The following UGT2B4 variants were observed in gnomAD, a reference collection of about 807,000 sequenced individuals.
UGT2B4 encodes UDP-glucuronosyltransferase 2B4.
UGT2B4 carries 49 observed loss-of-function variants against 49.8 expected under a neutral mutation model. The observed-to-expected ratio is 0.98, with a 90% CI of 0.78 to 1.25. The LOEUF is 1.25. Ranked by LOEUF, UGT2B4 falls within the 50% of genes most tolerant of loss-of-function variation. UGT2B4 has a pLI of 0.00. For missense variants in UGT2B4, 729 were observed against 627.7 expected (o/e 1.16, Z -1.73); for synonymous variants, 246 against 217.7 (o/e 1.13, Z -1.14).
rs538784672 is a variant in UGT2B4 at position 69,504,198 on chromosome 4, C to A, written c.-105-8232G>T. ...TCCAATGACCACATCACCTCTCCAGCAAAGGTTCAGAACCAGGCTGAGGCT... is the reference window on the plus strand; with the variant it reads ...TCCAATGACCACATCACCTCTCCAGAAAAGGTTCAGAACCAGGCTGAGGCT... On this transcript the variant is annotated intron_variant, in intron 1 of 1. Coordinates refer to the UGT2B4 transcript ENST00000510114. 2.6e-5 allele frequency among the ~76,000 whole-genome samples: 4 copies of A among 152,290 alleles called. No individual in the cohort carries two copies. In the East Asian group the frequency reaches 7.7e-4, roughly 29 times the overall value.
intron 1 of UGT2B4, among the ~76,000 whole-genome samples, chr4:69,514,876 G>C (rs1034592918): frequency 9.9e-5 from 15 of 152,104 alleles, no homozygotes; most frequent in African/African-American, 3.6e-4. Context: ...ATAGAAAAAA[G>C]CAAGGGTTGC....
intron 1 of UGT2B4, among the ~76,000 whole-genome samples, chr4:69,521,977 A>G (rs1728859955): frequency 6.6e-6 from 1 of 152,212 alleles, no homozygotes; most frequent in Non-Finnish European, 1.5e-5. Flanking sequence ...CAAGAAGACT[A>G]TAACACTGAT....
At chr4:69,502,097 CTTTCTT>C (rs1728337630) in intron 1 of UGT2B4, among the ~76,000 whole-genome samples, 1 of 95,012 alleles carries the variant, frequency 1.1e-5, no homozygotes, top group African/African-American at 5.0e-5. Context: ...CTCTCTCTTT[CTTTCTT>C]TCTTTCTTTC....
At chr4:69,519,346 A>G (rs1728797847) in intron 1 of UGT2B4, among the ~76,000 whole-genome samples, 1 of 152,162 alleles carries the variant, frequency 6.6e-6, no homozygotes. Flanking sequence ...TGAAACATGA[A>G]CTGATTATAG....
chr4:69,510,299 G>T (rs1436421390), intron 1 of UGT2B4, among the ~76,000 whole-genome samples: 1 of 152,096 alleles, frequency 6.6e-6, no homozygotes, highest in Non-Finnish European at 1.5e-5. Flanking sequence ...CTCCAGCTTT[G>T]TTGGACTTTC....
rs33997604 is a variant in UGT2B4, at chr4:69,502,205, A to ATTT, written c.-105-6242_-105-6240dup. On this transcript the variant is annotated intron_variant, in intron 1 of 1. Transcript: ENST00000510114. ...TTCAGTTGTTATTTATTAATAATTT[A>ATTT]TTTTTGTTGTTGTTCATTGTATTTG... Among the ~76,000 whole-genome samples the ATTT allele has an allele frequency of 2.9e-4, 3 of 10,338 alleles. 1 individual carries two copies. The Non-Finnish European group carries it at 7.1e-3, about 24-fold the overall frequency. The allele number at this position is 10,338 out of a possible 152,430, so 6.8% of individuals were successfully genotyped here.
At chr4:69,504,299 G>T (rs1192838427) in intron 1 of UGT2B4, among the ~76,000 whole-genome samples, 1 of 152,098 alleles carries the variant, frequency 6.6e-6, no homozygotes, top group Non-Finnish European at 1.5e-5. Context: ...CAAGTACATT[G>T]TAACCCAAAA....
upstream of UGT2B4, chr4:69,496,037 A>C: frequency 9.3e-7 from 1 of 1,074,224 alleles, no homozygotes; most frequent in Middle Eastern, 2.2e-4. Context: ...AAGGTAGATG[A>C]CCTGTTTACA....
chr4:69,493,241 A>G (rs1356448830), intron 2 of UGT2B4, among the ~76,000 whole-genome samples: 1 of 152,100 alleles, frequency 6.6e-6, no homozygotes, highest in African/African-American at 2.4e-5. Flanking sequence ...ACTCTCTATT[A>G]TCTACACTGG....
intron 1 of UGT2B4, among the ~76,000 whole-genome samples, chr4:69,510,526 C>A (rs551718990): frequency 6.6e-6 from 1 of 152,020 alleles, no homozygotes; most frequent in East Asian, 1.9e-4. Context: ...AATTTGCATT[C>A]ATCAATGTTT....
chr4:69,506,363 A>C (rs2109824557), intron 1 of UGT2B4, among the ~76,000 whole-genome samples: 1 of 152,276 alleles, frequency 6.6e-6, no homozygotes, highest in Admixed American at 6.5e-5. Flanking sequence ...GAGAAGATTC[A>C]AATAAACACA....
intron 2 of UGT2B4, among the ~76,000 whole-genome samples, chr4:69,492,786 C>T (rs995277584): frequency 3.3e-5 from 5 of 152,034 alleles, no homozygotes; most frequent in African/African-American, 1.2e-4. Flanking sequence ...AGTCATATTA[C>T]TGTAAAAGTA....
chr4:69,521,842 G>C (rs1728857720), intron 1 of UGT2B4, among the ~76,000 whole-genome samples: 1 of 152,158 alleles, frequency 6.6e-6, no homozygotes, highest in Admixed American at 6.5e-5. Flanking sequence ...ATTCTATAAA[G>C]CAGGAATTTT....
chr4:69,487,791 T>G (rs1019728966), intron 3 of UGT2B4, among the ~76,000 whole-genome samples: 2 of 152,088 alleles, frequency 1.3e-5, no homozygotes, highest in Non-Finnish European at 2.9e-5. Context: ...TTTTAATAAT[T>G]ATATGCATTA....
rs372517350 is a variant in UGT2B4 at position 69,495,444 on chromosome 4, G to A, written c.418C>T (p.Leu140=). 6.8e-6 allele frequency: 11 copies of A among 1,613,556 alleles called. No individual in the cohort carries two copies. The African/African-American group carries it at 1.5e-4, about 22-fold the overall frequency. ...IVSNKKLMKK[L]QESRFDVVLA... ...ACAACATCAAATCTTGACTCCTGTA[G>A]TTTCTTCATAAGTTTCTTATTTGAA... is the stretch of plus-strand genomic sequence containing the variant. The change falls in exon 1 of 6, where the codon CTA becomes TTA. Residue 140 remains leucine (L), a synonymous_variant. Transcript: ENST00000305107.
chr4:69,522,731 C>T (rs1286014150), intron 1 of UGT2B4, among the ~76,000 whole-genome samples: 3 of 152,120 alleles, frequency 2.0e-5, no homozygotes, highest in African/African-American at 7.2e-5. Context: ...ACATTTGTCA[C>T]ATTGATTGAC....
chr4:69,481,702 T>C (rs1430190678), intron 5 of UGT2B4, among the ~76,000 whole-genome samples: 1 of 152,172 alleles, frequency 6.6e-6, no homozygotes, highest in Non-Finnish European at 1.5e-5. Context: ...AGCAGGCGTA[T>C]AAAATCATGG....
chr4:69,480,990 G>A lies in UGT2B4; in HGVS notation c.1311-80C>T, dbSNP rs1328824614. 2.0e-6 allele frequency: 3 copies of A among 1,499,588 alleles called. No homozygotes were observed. In the East Asian group the frequency reaches 7.5e-5, roughly 37 times the overall value. 92.9% of individuals were successfully genotyped at this position (1,499,588 alleles called of 1,614,324 possible). ...ACGGAGGCTCACACCTGCAATCCCA[G>A]CAGTTTCCGAGGTCGAGGCGGGCGG... On this transcript the variant is annotated intron_variant, in intron 5 of 5. Coordinates refer to ENST00000305107, the MANE Select transcript of UGT2B4 (RefSeq NM_021139.3).
intron 2 of UGT2B4, among the ~76,000 whole-genome samples, chr4:69,492,638 T>C (rs1449551251): frequency 1.3e-5 from 2 of 152,122 alleles, no homozygotes; most frequent in African/African-American, 4.8e-5. Flanking sequence ...TTACACATGT[T>C]AAGTAATTCA....
Sources: gnomAD v4.1 joint callset for allele counts (sites outside exome capture counted in the v4.1 genomes callset) on GRCh38, gnomAD v4.1.1 for gene constraint, MANE v1.5 for transcripts, NCBI Gene and HGNC (gene_info 2026-07-23, HGNC 2026-07-21) for gene names.